Variants in VPS13B observed in about 807,000 individuals in gnomAD.
VPS13B encodes intermembrane lipid transfer protein VPS13B.
Under a neutral mutation model 426.4 loss-of-function variants are expected in VPS13B, and 285 were observed. The observed-to-expected ratio is 0.67, with a 90% CI of 0.61 to 0.74. The LOEUF (loss-of-function observed/expected upper bound fraction) is 0.74, where lower values mean the gene tolerates loss of function less well. VPS13B is among the 30% of genes least tolerant of loss of function. VPS13B has a pLI of 0.00. For missense variants in VPS13B, 4,537 were observed against 4,782.6 expected, an observed-to-expected ratio of 0.95 and a Z score of 1.51; for synonymous variants, 1,676 against 1,676.4, an observed-to-expected ratio of 1.00 and a Z score of 0.01.
intron 31 of VPS13B, among the ~76,000 whole-genome samples, chr8:99,573,835 A>G (rs1825617754): frequency 6.6e-6 from 1 of 152,182 alleles, no homozygotes; most frequent in Admixed American, 6.5e-5. Context: ...AATTCTGTGA[A>G]GAAAGTCATT....
At chr8:99,713,755 G>T (rs960292238) in intron 36 of VPS13B, among the ~76,000 whole-genome samples, 9 of 152,160 alleles carry the variant, frequency 5.9e-5, no homozygotes, top group African/African-American at 1.9e-4. Flanking sequence ...AGAGCTCCTT[G>T]GAGAAATGGC....
chr8:99,031,690 C>T (rs1842514959), intron 2 of VPS13B, among the ~76,000 whole-genome samples: 1 of 152,158 alleles, frequency 6.6e-6, no homozygotes, highest in South Asian at 2.1e-4. Flanking sequence ...GTGAGTGCCT[C>T]AGTGGGCTAG....
At chr8:99,143,569 A>C (rs1466257736) in intron 13 of VPS13B, among the ~76,000 whole-genome samples, 1 of 152,170 alleles carries the variant, frequency 6.6e-6, no homozygotes, top group Non-Finnish European at 1.5e-5. Context: ...CTGTACAACT[A>C]ATTTTTTCTA....
chr8:99,305,078 A>C (rs1265859494), intron 19 of VPS13B, among the ~76,000 whole-genome samples: 1 of 152,108 alleles, frequency 6.6e-6, no homozygotes, highest in Non-Finnish European at 1.5e-5. Flanking sequence ...TTCTTCTCTT[A>C]CTTTATTATC....
chr8:99,197,124 T>C (rs1460215404), intron 17 of VPS13B, among the ~76,000 whole-genome samples: 6 of 152,232 alleles, frequency 3.9e-5, no homozygotes, highest in Admixed American at 2.0e-4. Context: ...GTGTATCATA[T>C]TTATTGACTT....
chr8:99,105,541 G>A (rs545350827), intron 5 of VPS13B, among the ~76,000 whole-genome samples: 13 of 152,188 alleles, frequency 8.5e-5, no homozygotes, highest in African/African-American at 3.1e-4. Flanking sequence ...AGCATGCCTG[G>A]CTAATTTTTA....
intron 17 of VPS13B, 141 bp downstream of exon 17, chr8:99,193,198 G>A: frequency 1.1e-6 from 1 of 888,384 alleles, no homozygotes; most frequent in Non-Finnish European, 1.7e-6. Flanking sequence ...TATAGCTTAT[G>A]TTTAAAATCC....
chr8:99,233,170 CT>C, intron 17 of VPS13B: 1 of 1,398,668 alleles, frequency 7.1e-7, no homozygotes, highest in African/African-American at 1.4e-5. Context: ...CCCGATAATT[CT>C]GATGATCACT....
chr8:99,340,537 T>C (rs527939856), intron 19 of VPS13B: 5 of 472,438 alleles, frequency 1.1e-5, no homozygotes, highest in Admixed American at 4.9e-5. Flanking sequence ...GTGAAGGGGG[T>C]GGAGGTGTCT....
At chr8:99,694,083 G>A in intron 35 of VPS13B, among the ~76,000 whole-genome samples, 1 of 88,914 alleles carries the variant, frequency 1.1e-5, no homozygotes, top group East Asian at 3.3e-4. Flanking sequence ...CATGCTCATG[G>A]GTAGGAAGAA....
At chr8:99,398,863 G>A (rs1486195167) in intron 21 of VPS13B, among the ~76,000 whole-genome samples, 4 of 149,436 alleles carry the variant, frequency 2.7e-5, no homozygotes, top group African/African-American at 9.9e-5. Context: ...ATCAAAAAAT[G>A]TATAATTTTC....
At chr8:99,485,544 C>G (rs1820255815) in intron 25 of VPS13B, among the ~76,000 whole-genome samples, 1 of 152,086 alleles carries the variant, frequency 6.6e-6, no homozygotes, top group Non-Finnish European at 1.5e-5. Context: ...GGAGATTTTT[C>G]TGCTTACCAC....
Position 99,391,620 on chromosome 8 carries a change from A to C in VPS13B, c.2998A>C (p.Ile1000Leu). 1.2e-6 allele frequency: 2 copies of C among 1,614,130 alleles called. No individual in the cohort carries two copies. The highest frequency in any genetic ancestry group is 2.2e-5 in the South Asian group (2 of 91,088). Reference sequence around the variant, plus strand: ...TAGAAGGAAAGAGGATGAGGTGTCTATTGGAAGTGCCCCCTTGGCAAAGCA... The same window carrying C: ...TAGAAGGAAAGAGGATGAGGTGTCTCTTGGAAGTGCCCCCTTGGCAAAGCA... The part of the protein sequence containing the change: ...VCRRKEDEVS[I>L]GSAPLAKQQS... Residue 1000 changes from isoleucine to leucine, a missense_variant, in exon 21 of 62, where the codon ATT becomes CTT. Ile to Leu is a conservative substitution (Grantham distance 5). Transcript: ENST00000357162.
At chr8:99,702,286 A>G (rs575210627) in intron 36 of VPS13B, among the ~76,000 whole-genome samples, 9 of 152,234 alleles carry the variant, frequency 5.9e-5, no homozygotes, top group African/African-American at 2.2e-4. Context: ...TCAGATTTTT[A>G]TAGTTTGAAT....
At chr8:99,495,364 A>G (rs758296589) in intron 25 of VPS13B, among the ~76,000 whole-genome samples, 13 of 152,190 alleles carry the variant, frequency 8.5e-5, no homozygotes, top group Non-Finnish European at 1.5e-4. Flanking sequence ...TTTGTCCTTA[A>G]TCATTTTAAA....
chr8:99,855,385 AAAT>A (rs751690689), intron 56 of VPS13B, among the ~76,000 whole-genome samples: 54 of 152,076 alleles, frequency 3.6e-4, no homozygotes, highest in Non-Finnish European at 7.6e-4. Flanking sequence ...TTGTCCCAAA[AAAT>A]AAGATTGAGT....
Position 99,819,975 on chromosome 8 carries a change from G to A in VPS13B, c.8847G>A (p.Trp2949Ter). ...DSPMRVKLSI[W>*]KPYVRTLLIE... The stretch of plus-strand genomic sequence containing the variant: ...CAATGCGAGTGAAGCTGTCAATCTG[G>A]AAGCCATATGTTAGAACTTTGTTGA... The change falls in exon 49 of 62, where the codon TGG (tryptophan) becomes TGA (stop). Residue 2949 changes from tryptophan to a stop codon, truncating the protein, a stop_gained. Coordinates refer to ENST00000357162, the MANE Select transcript of VPS13B (RefSeq NM_152564.5). LOFTEE classifies it high-confidence loss of function. 1 of 1,614,042 alleles carries A rather than the reference G, an allele frequency of 6.2e-7. No homozygotes were observed. The highest frequency in any genetic ancestry group is 1.1e-5 in the South Asian group (1 of 91,074).
At chr8:99,836,446 G>A (rs958506735) in intron 54 of VPS13B, among the ~76,000 whole-genome samples, 2 of 117,408 alleles carry the variant, frequency 1.7e-5, no homozygotes, top group Non-Finnish European at 3.2e-5. Context: ...TCCCCTGGTA[G>A]CTCTCTTCTT....
chr8:99,774,738 CCT>C (rs1481766583), intron 40 of VPS13B, among the ~76,000 whole-genome samples: 1 of 152,054 alleles, frequency 6.6e-6, no homozygotes, highest in East Asian at 1.9e-4. Context: ...AATATATTTT[CCT>C]CTTTCTGAAT....
Sources: gnomAD v4.1 joint callset for allele counts (sites outside exome capture counted in the v4.1 genomes callset) on GRCh38, gnomAD v4.1.1 for gene constraint, MANE v1.5 for transcripts, NCBI Gene and HGNC (gene_info 2026-07-23, HGNC 2026-07-21) for gene names.